The following SLC4A10 variants were observed in gnomAD, a reference collection of about 807,000 sequenced individuals.
SLC4A10 encodes sodium-driven chloride bicarbonate exchanger.
Under a neutral mutation model 137.7 loss-of-function variants are expected in SLC4A10, and 42 were observed. The observed-to-expected ratio is 0.30, with a 90% CI of 0.24 to 0.39. SLC4A10 has a LOEUF of 0.39. Ranked by LOEUF, SLC4A10 falls within the 10% of genes least tolerant of loss-of-function variation. The pLI, the probability that SLC4A10 is intolerant of heterozygous loss-of-function variation, is 1.00. For missense variants in SLC4A10, 925 were observed against 1,355.0 expected, an observed-to-expected ratio of 0.68 and a Z score of 4.98; for synonymous variants, 474 against 464.1, an observed-to-expected ratio of 1.02 and a Z score of -0.27.
intron 1 of SLC4A10, among the ~76,000 whole-genome samples, chr2:161,716,220 G>A (rs1316123050): frequency 7.3e-5 from 11 of 150,880 alleles, no homozygotes; most frequent in Admixed American, 6.6e-4. Context: ...TCCTTGTAGA[G>A]TCTGGATACT....
intron 6 of SLC4A10, among the ~76,000 whole-genome samples, chr2:161,864,634 A>G (rs2060627539): frequency 1.3e-5 from 2 of 152,164 alleles, no homozygotes; most frequent in South Asian, 2.1e-4. Flanking sequence ...CTTAAGTTCA[A>G]TAAAATTATT....
At position 161,663,229 on chromosome 2, in the gene SLC4A10, C is replaced by T. The variant is rs758232623; in HGVS notation, c.48+38663C>T. Among the ~76,000 whole-genome samples, 121 of 152,246 alleles carry T rather than the reference C, an allele frequency of 7.9e-4. 3 individuals are homozygous for T. In the Middle Eastern group the frequency reaches 0.024, roughly 30 times the overall value. The stretch of plus-strand genomic sequence containing the variant: ...ATACTGGAACCAAATTAGAGGAAAA[C>T]AGCCATTTAACAAATCAATTTAAGG... On this transcript the variant is annotated intron_variant, in intron 1 of 26. Transcript: ENST00000446997.
chr2:161,695,326 A>C (rs989572754), intron 1 of SLC4A10, among the ~76,000 whole-genome samples: 1 of 152,112 alleles, frequency 6.6e-6, no homozygotes, highest in Non-Finnish European at 1.5e-5. Context: ...TGTTTCATTC[A>C]TACCACTTAA....
intron 11 of SLC4A10, among the ~76,000 whole-genome samples, chr2:161,900,203 A>G (rs1482306385): frequency 2.0e-5 from 3 of 152,112 alleles, no homozygotes; most frequent in African/African-American, 4.8e-5. Flanking sequence ...GGAATAGACC[A>G]TGGGAAAACA....
At chr2:161,714,582 T>C (rs2044644013) in intron 1 of SLC4A10, among the ~76,000 whole-genome samples, 1 of 151,906 alleles carries the variant, frequency 6.6e-6, no homozygotes, top group South Asian at 2.1e-4. Flanking sequence ...ATGTATATCA[T>C]TATCCCTACT....
intron 2 of SLC4A10, among the ~76,000 whole-genome samples, chr2:161,776,679 T>A (rs1332725600): frequency 1.3e-5 from 2 of 151,942 alleles, no homozygotes; most frequent in Non-Finnish European, 2.9e-5. Flanking sequence ...CTCTTTGAGA[T>A]CTTGTTTGCA....
intron 1 of SLC4A10, among the ~76,000 whole-genome samples, chr2:161,659,798 A>T (rs6750756): frequency 0.78 from 118,404 of 152,032 alleles, 46,594 homozygotes; most frequent in East Asian, 0.85. Flanking sequence ...CAGCATATTC[A>T]TATAGTGGAA....
intron 1 of SLC4A10, among the ~76,000 whole-genome samples, chr2:161,671,461 G>A (rs2039711191): frequency 6.6e-6 from 1 of 152,110 alleles, no homozygotes; most frequent in South Asian, 2.1e-4. Context: ...GACGCCAGGA[G>A]CAATTCTTTT....
intron 1 of SLC4A10, among the ~76,000 whole-genome samples, chr2:161,697,645 A>G (rs544100448): frequency 4.6e-5 from 7 of 152,206 alleles, no homozygotes; most frequent in Admixed American, 2.0e-4. Flanking sequence ...TGAGGGCTCT[A>G]TTCTGTTCCA....
rs115856958 is a variant in SLC4A10, at chr2:161,733,234, G to C, written c.49-37739G>C. Among the ~76,000 whole-genome samples, 1,007 of 152,318 alleles carry C rather than the reference G, an allele frequency of 6.6e-3. 9 individuals carry two copies. Among genetic ancestry groups the C allele is most frequent in the Non-Finnish European group, 0.012 (785 of 68,022 alleles). On this transcript the variant is annotated intron_variant, in intron 1 of 26. Coordinates refer to ENST00000446997, the MANE Select transcript of SLC4A10 (RefSeq NM_001178015.2). ...GGTAGCCACTCCCATCACAGGCTCA[G>C]AAGCCTAGGAGGAAAAAGTGGTTTC...
At chr2:161,794,207 A>G (rs2054516076) in intron 2 of SLC4A10, among the ~76,000 whole-genome samples, 1 of 152,162 alleles carries the variant, frequency 6.6e-6, no homozygotes, top group African/African-American at 2.4e-5. Context: ...TGAATTCACA[A>G]AATTCCTGTA....
At chr2:161,964,981 C>A in intron 22 of SLC4A10, 70 bp from the exon 23 acceptor site, 2 of 1,442,114 alleles carry the variant, frequency 1.4e-6, no homozygotes, top group Non-Finnish European at 1.9e-6. Flanking sequence ...TACCAAAAAC[C>A]ATACAGGCAA....
At chr2:161,629,782 T>C (rs914440223) in intron 1 of SLC4A10, among the ~76,000 whole-genome samples, 19 of 151,908 alleles carry the variant, frequency 1.3e-4, no homozygotes, top group African/African-American at 4.6e-4. Context: ...TAGAGTATTA[T>C]ATAGTTGGAA....
chr2:161,624,954 A>G (rs1365375795), intron 1 of SLC4A10, among the ~76,000 whole-genome samples: 1 of 151,716 alleles, frequency 6.6e-6, no homozygotes, highest in Non-Finnish European at 1.5e-5. Flanking sequence ...TTTAATCCCT[A>G]TCGAATTTCC....
intron 1 of SLC4A10, among the ~76,000 whole-genome samples, chr2:161,726,470 C>T (rs763496100): frequency 2.2e-4 from 33 of 152,014 alleles, no homozygotes; most frequent in Admixed American, 1.6e-3. Context: ...AAAAAATTGA[C>T]GAAATTTTGT....
At chr2:161,720,282 GT>G (rs1332235215) in intron 1 of SLC4A10, among the ~76,000 whole-genome samples, 2 of 152,172 alleles carry the variant, frequency 1.3e-5, no homozygotes, top group African/African-American at 2.4e-5. Flanking sequence ...GTACCATGCT[GT>G]TTTGGTTACT....
intron 3 of SLC4A10, 112 bp from the exon 4 acceptor site, chr2:161,839,677 G>A: frequency 8.4e-7 from 1 of 1,187,952 alleles, no homozygotes; most frequent in South Asian, 1.5e-5. Context: ...GGGGAGGTGT[G>A]AGCTTGGGGT....
At chr2:161,813,043 T>C (rs2056704682) in intron 3 of SLC4A10, among the ~76,000 whole-genome samples, 1 of 152,112 alleles carries the variant, frequency 6.6e-6, no homozygotes, top group Admixed American at 6.6e-5. Flanking sequence ...CTTTCCTGAA[T>C]ACTTTTTATT....
At chr2:161,872,473 G>A in intron 7 of SLC4A10, 89 bp downstream of exon 7, 1 of 942,530 alleles carries the variant, frequency 1.1e-6, no homozygotes, top group South Asian at 1.7e-5. Flanking sequence ...ACAATATTTT[G>A]CATGCGCTTT....
Sources: gnomAD v4.1 joint callset for allele counts (sites outside exome capture counted in the v4.1 genomes callset) on GRCh38, gnomAD v4.1.1 for gene constraint, MANE v1.5 for transcripts, NCBI Gene and HGNC (gene_info 2026-07-23, HGNC 2026-07-21) for gene names.